The following TYW1B variants were observed in gnomAD, a reference collection of about 807,000 sequenced individuals.
TYW1B encodes S-adenosyl-L-methionine-dependent tRNA 4-demethylwyosine synthase TYW1B.
A neutral mutation model predicts 86.9 loss-of-function variants in TYW1B; 73 were observed. That is an observed-to-expected ratio of 0.84 (90% CI 0.70 to 1.02). The LOEUF (loss-of-function observed/expected upper bound fraction) is 1.02, where lower values mean the gene tolerates loss of function less well. TYW1B is among the 50% of genes least tolerant of loss of function. The pLI, the probability that TYW1B is intolerant of heterozygous loss-of-function variation, is 0.00. For synonymous variants in TYW1B, 248 were observed against 292.8 expected, an observed-to-expected ratio of 0.85 and a Z score of 1.56; for missense variants, 637 against 827.4, an observed-to-expected ratio of 0.77 and a Z score of 2.82.
At chr7:72,592,658 T>G (rs1811423945) in intron 13 of TYW1B, among the ~76,000 whole-genome samples, 1 of 152,212 alleles carries the variant, frequency 6.6e-6, no homozygotes, top group Non-Finnish European at 1.5e-5. Context: ...TAGATTCGCT[T>G]TGAACCCAAA....
intron 13 of TYW1B, among the ~76,000 whole-genome samples, chr7:72,582,795 G>A (rs1405531944): frequency 6.6e-6 from 1 of 152,194 alleles, no homozygotes; most frequent in African/African-American, 2.4e-5. Flanking sequence ...ATTTGAGATG[G>A]CAGAGAGTTT....
chr7:72,711,051 G>A (rs1388982968), intron 10 of TYW1B, among the ~76,000 whole-genome samples: 1 of 152,094 alleles, frequency 6.6e-6, no homozygotes, highest in Non-Finnish European at 1.5e-5. Flanking sequence ...ACAGCAGACA[G>A]TAAAACACAG....
chr7:72,737,572 TA>T (rs1787217925), intron 8 of TYW1B, among the ~76,000 whole-genome samples: 1 of 152,296 alleles, frequency 6.6e-6, no homozygotes, highest in African/African-American at 2.4e-5. Flanking sequence ...GATTAGGATT[TA>T]TACTTAGTGT....
intron 13 of TYW1B, among the ~76,000 whole-genome samples, chr7:72,604,047 C>T (rs1554434379): frequency 6.6e-6 from 1 of 152,232 alleles, no homozygotes; most frequent in Admixed American, 6.5e-5. Context: ...TTGTAACACA[C>T]GTACCACACC....
rs1021685369 is a variant in TYW1B at position 72,762,753 on chromosome 7, T to C, written c.964+14663A>G. On this transcript the variant is annotated intron_variant, in intron 7 of 13. Transcript: ENST00000620995. Reference sequence around the variant, plus strand: ...TGGCTCACTGCAACCTCCGCCTCCCTGGTTCAAGCAATTCTCCTGCCTCAG... The same window carrying C: ...TGGCTCACTGCAACCTCCGCCTCCCCGGTTCAAGCAATTCTCCTGCCTCAG... Among the ~76,000 whole-genome samples, 2 of 151,770 alleles carry C rather than the reference T, an allele frequency of 1.3e-5. 1 individual carries two copies. The highest frequency in any genetic ancestry group is 2.9e-5 in the Non-Finnish European group (2 of 67,914).
intron 2 of TYW1B, among the ~76,000 whole-genome samples, chr7:72,820,441 G>A (rs1440953328): frequency 1.3e-5 from 2 of 152,148 alleles, no homozygotes; most frequent in Non-Finnish European, 2.9e-5. Flanking sequence ...CTATGTAAAG[G>A]AAAAACTGTT....
intron 11 of TYW1B, among the ~76,000 whole-genome samples, chr7:72,631,274 A>G (rs1812482235): frequency 6.6e-6 from 1 of 152,158 alleles, no homozygotes; most frequent in South Asian, 2.1e-4. Flanking sequence ...GCACTTTGGG[A>G]GGCCGAAGTG....
chr7:72,813,752 T>C (rs1441412045), intron 3 of TYW1B, among the ~76,000 whole-genome samples: 8 of 152,158 alleles, frequency 5.3e-5, no homozygotes, highest in African/African-American at 1.9e-4. Flanking sequence ...CAGTGGCTCA[T>C]GCCTGTAATC....
At chr7:72,745,664 G>T (rs1368385765) in intron 7 of TYW1B, among the ~76,000 whole-genome samples, 1 of 151,924 alleles carries the variant, frequency 6.6e-6, no homozygotes, top group East Asian at 1.9e-4. Context: ...AAGGTCAGTG[G>T]AATGGGTAGG....
chr7:72,637,080 C>G (rs1228747192), intron 11 of TYW1B, among the ~76,000 whole-genome samples: 1 of 151,942 alleles, frequency 6.6e-6, no homozygotes, highest in East Asian at 1.9e-4. Context: ...GCTGAGATCA[C>G]GCCATCGCAC....
chr7:72,748,478 T>C (rs4392770), intron 7 of TYW1B, among the ~76,000 whole-genome samples: 96,607 of 143,412 alleles, frequency 0.67, 33,141 homozygotes, highest in Non-Finnish European at 0.76. Flanking sequence ...TGGCTAGAAT[T>C]TACAATACTA....
At chr7:72,601,089 T>G (rs1554433630) in intron 13 of TYW1B, among the ~76,000 whole-genome samples, 1 of 151,300 alleles carries the variant, frequency 6.6e-6, no homozygotes, top group East Asian at 2.0e-4. Context: ...CCCAGTGAGC[T>G]GAGATCTCGC....
In TYW1B at chr7:72,751,289, C is replaced by T. The variant is rs78969213; in HGVS notation, c.965-6688G>A. Among the ~76,000 whole-genome samples, 188 of 152,216 alleles carry T rather than the reference C, an allele frequency of 1.2e-3. 2 individuals carry two copies. The highest frequency in any genetic ancestry group is 3.5e-3 in the Admixed American group (54 of 15,274). On this transcript the variant is annotated intron_variant, in intron 7 of 13. Coordinates refer to ENST00000620995, the MANE Select transcript of TYW1B (RefSeq NM_001145440.3). The stretch of plus-strand genomic sequence containing the variant: ...CTGACCTCAGGTGATCCACCCGCCT[C>T]GGCCTCCTAAAGTGCTAGGACTACA...
At chr7:72,606,722 T>C (rs376428257) in intron 13 of TYW1B, among the ~76,000 whole-genome samples, 2,293 of 150,402 alleles carry the variant, frequency 0.015, 58 homozygotes, top group African/African-American at 0.024. Flanking sequence ...GGAGCCAGAA[T>C]TTCTGCCTCT....
rs145838346 is a variant in TYW1B, at chr7:72,719,003, T to TAC, written c.1193-5207_1193-5206dup. Among the ~76,000 whole-genome samples the TAC allele has an allele frequency of 6.1e-3, 935 of 152,228 alleles. 9 individuals carry two copies. The highest frequency in any genetic ancestry group is 0.021 in the African/African-American group (877 of 41,526). ...TCCCTGATCTTTAAAATGGAGATTT[T>TAC]ACACACACACATACAGCTATTATAA... On this transcript the variant is annotated intron_variant, in intron 9 of 13. Coordinates refer to ENST00000620995, the MANE Select transcript of TYW1B (RefSeq NM_001145440.3).
chr7:72,758,729 T>A (rs1441710726), intron 7 of TYW1B, among the ~76,000 whole-genome samples: 5 of 152,148 alleles, frequency 3.3e-5, no homozygotes, highest in Non-Finnish European at 7.4e-5. Context: ...GAATCACACA[T>A]CCCTCTTGGG....
chr7:72,652,377 GAAAA>G (rs1169791430), intron 11 of TYW1B, among the ~76,000 whole-genome samples: 5 of 31,294 alleles, frequency 1.6e-4, no homozygotes, highest in Non-Finnish European at 2.0e-4. Flanking sequence ...GACTCTGTCT[GAAAA>G]AAAAAAAAAA....
intron 7 of TYW1B, among the ~76,000 whole-genome samples, chr7:72,766,895 C>T (rs552300320): frequency 6.6e-6 from 1 of 152,154 alleles, no homozygotes; most frequent in Admixed American, 6.6e-5. Flanking sequence ...CCGCTGCACT[C>T]CAGCCTGGGT....
chr7:72,781,258 T>C (rs11979214), intron 6 of TYW1B, among the ~76,000 whole-genome samples: 104,182 of 151,756 alleles, frequency 0.69, 36,696 homozygotes, highest in Non-Finnish European at 0.77. Flanking sequence ...CAAAGGGCTC[T>C]GATCAGGGAA....
Sources: gnomAD v4.1 joint callset for allele counts (sites outside exome capture counted in the v4.1 genomes callset) on GRCh38, gnomAD v4.1.1 for gene constraint, MANE v1.5 for transcripts, NCBI Gene and HGNC (gene_info 2026-07-23, HGNC 2026-07-21) for gene names.